Variants in GNA12 observed in about 807,000 individuals in gnomAD.
GNA12 encodes guanine nucleotide-binding protein subunit alpha-12.
GNA12 carries 9 observed loss-of-function variants against 26.0 expected under a neutral mutation model. That is an observed-to-expected ratio of 0.35 (90% CI 0.21 to 0.60). GNA12 has a LOEUF of 0.60. GNA12 is among the 20% of genes least tolerant of loss of function. The pLI, the probability that GNA12 is intolerant of heterozygous loss-of-function variation, is 0.78. For synonymous variants in GNA12, 264 were observed against 219.6 expected (o/e 1.20, Z -1.79); for missense variants, 405 against 525.8 (o/e 0.77, Z 2.25).
chr7:2,765,635 T>C (rs1254761417), intron 2 of GNA12, among the ~76,000 whole-genome samples: 1 of 151,744 alleles, frequency 6.6e-6, no homozygotes, highest in Non-Finnish European at 1.5e-5. Flanking sequence ...TTCTTCTTTT[T>C]ATTTTTTGCT....
intron 2 of GNA12, among the ~76,000 whole-genome samples, chr7:2,772,014 G>T (rs924698520): frequency 6.6e-6 from 1 of 152,206 alleles, no homozygotes; most frequent in Non-Finnish European, 1.5e-5. Context: ...CTGCATGTGT[G>T]TCATGACTGA....
chr7:2,814,596 G>A (rs923941277), intron 1 of GNA12, among the ~76,000 whole-genome samples: 2 of 149,826 alleles, frequency 1.3e-5, no homozygotes, highest in East Asian at 2.0e-4. Context: ...ATTTAAAGCC[G>A]CAACTCCCAC....
intron 1 of GNA12, among the ~76,000 whole-genome samples, chr7:2,818,431 C>A (rs1439421263): frequency 6.6e-6 from 1 of 151,364 alleles, no homozygotes; most frequent in East Asian, 1.9e-4. Flanking sequence ...AGAGGCTAGA[C>A]AAACTACAGC....
intron 2 of GNA12, among the ~76,000 whole-genome samples, chr7:2,749,282 C>A (rs1790911224): frequency 1.3e-5 from 2 of 152,114 alleles, no homozygotes; most frequent in East Asian, 3.8e-4. Flanking sequence ...CAATGATAGA[C>A]TGGATTAAGA....
At chr7:2,810,260 A>C (rs1793049645) in intron 1 of GNA12, among the ~76,000 whole-genome samples, 1 of 152,246 alleles carries the variant, frequency 6.6e-6, no homozygotes, top group African/African-American at 2.4e-5. Flanking sequence ...GTGATTTCTC[A>C]CTGTGTCCTC....
At chr7:2,743,342 C>T (rs146612409) in intron 2 of GNA12, among the ~76,000 whole-genome samples, 40 of 152,236 alleles carry the variant, frequency 2.6e-4, no homozygotes, top group Middle Eastern at 3.4e-3. Context: ...AGTCTTAAAA[C>T]GACATCCATA....
intron 2 of GNA12, among the ~76,000 whole-genome samples, chr7:2,746,086 C>T (rs537624615): frequency 6.6e-6 from 1 of 152,116 alleles, no homozygotes; most frequent in Non-Finnish European, 1.5e-5. Flanking sequence ...CTTTAACACC[C>T]CACTGTCAAC....
chr7:2,785,149 A>C (rs895699403), intron 2 of GNA12, among the ~76,000 whole-genome samples: 1 of 152,224 alleles, frequency 6.6e-6, no homozygotes, highest in Non-Finnish European at 1.5e-5. Flanking sequence ...GCAGGATCCA[A>C]GAATAGCAAA....
chr7:2,793,546 T>C lies in GNA12; in HGVS notation c.525+1382A>G, dbSNP rs1385688552. The stretch of plus-strand genomic sequence containing the variant: ...AGACTATATAGCACCTCTCAGATGA[T>C]TGAGAAAAATAAAAATTACTCTGCA... On this transcript the variant is annotated intron_variant, in intron 2 of 3. Coordinates refer to ENST00000275364, the MANE Select transcript of GNA12 (RefSeq NM_007353.3). Among the ~76,000 whole-genome samples the C allele has an allele frequency of 3.9e-5, 6 of 152,062 alleles. No homozygotes were observed. The East Asian group carries it at 5.8e-4, about 15-fold the overall frequency.
chr7:2,744,059 G>A (rs1335938173), intron 2 of GNA12, among the ~76,000 whole-genome samples: 1 of 152,228 alleles, frequency 6.6e-6, no homozygotes, highest in Non-Finnish European at 1.5e-5. Flanking sequence ...AGCTCAAGGA[G>A]GCCTGCCTGC....
At position 2,731,174 on chromosome 7, in the gene GNA12, T is replaced by A. The variant is rs1789869965; in HGVS notation, c.*7A>T. 6.3e-7 allele frequency: 1 copy of A among 1,595,328 alleles called. No individual in the cohort carries two copies. The highest frequency in any genetic ancestry group is 1.1e-5 in the South Asian group (1 of 89,418). On this transcript the variant is annotated 3_prime_UTR_variant, in exon 4 of 4. Coordinates refer to ENST00000275364, the MANE Select transcript of GNA12 (RefSeq NM_007353.3). The surrounding 1 kb of genome is among the most constrained non-coding windows in gnomAD (Gnocchi z 6.0). ...CTCAACGACGACAAACCCCGGGGCT[T>A]CCTCGCTCACTGCAGCATGATGTCC...
chr7:2,783,056 G>A (rs750332777), intron 2 of GNA12, among the ~76,000 whole-genome samples: 10 of 152,100 alleles, frequency 6.6e-5, no homozygotes, highest in Admixed American at 1.3e-4. Context: ...TTTAAAGACC[G>A]GTGTCGGAGT....
chr7:2,741,622 T>C (rs2086616351), intron 2 of GNA12, among the ~76,000 whole-genome samples: 1 of 152,138 alleles, frequency 6.6e-6, no homozygotes, highest in South Asian at 2.1e-4. Flanking sequence ...AAAGAGCTCA[T>C]ACAGTCTTTC....
At chr7:2,778,185 T>C (rs911740627) in intron 2 of GNA12, among the ~76,000 whole-genome samples, 1 of 152,198 alleles carries the variant, frequency 6.6e-6, no homozygotes, top group Non-Finnish European at 1.5e-5. Flanking sequence ...AAAAAAAGCA[T>C]ATTTCGCCAC....
chr7:2,792,290 A>C (rs1792540053), intron 2 of GNA12, among the ~76,000 whole-genome samples: 2 of 152,252 alleles, frequency 1.3e-5, no homozygotes, highest in South Asian at 4.1e-4. Context: ...TTTGAGGCCC[A>C]AATTTCTCAC....
chr7:2,762,489 T>G (rs1791608418), intron 2 of GNA12: 5 of 768,032 alleles, frequency 6.5e-6, no homozygotes, highest in African/African-American at 3.6e-5. Context: ...GTGCGGGGCC[T>G]GAGGTGTGAG....
At chr7:2,843,782 G>A in intron 1 of GNA12, 71 bp downstream of exon 1, 1 of 804,828 alleles carries the variant, frequency 1.2e-6, no homozygotes, top group Non-Finnish European at 1.8e-6. Flanking sequence ...GCGGACCACG[G>A]AGGGGCCCGG....
chr7:2,791,643 G>C (rs747517791), intron 2 of GNA12, among the ~76,000 whole-genome samples: 2 of 151,894 alleles, frequency 1.3e-5, no homozygotes, highest in Non-Finnish European at 2.9e-5. Flanking sequence ...AGAAAGACAA[G>C]CAAAAAACAA....
chr7:2,818,258 G>A (rs1793260454), intron 1 of GNA12, among the ~76,000 whole-genome samples: 1 of 152,116 alleles, frequency 6.6e-6, no homozygotes, highest in Non-Finnish European at 1.5e-5. Flanking sequence ...CTGGGGGCTG[G>A]GGAATTCTGT....
Sources: gnomAD v4.1 joint callset for allele counts (sites outside exome capture counted in the v4.1 genomes callset) on GRCh38, gnomAD v4.1.1 for gene constraint, Gnocchi (gnomAD v3.1) non-coding constraint, MANE v1.5 for transcripts, NCBI Gene and HGNC (gene_info 2026-07-23, HGNC 2026-07-21) for gene names.